The following SRCIN1 variants were observed in gnomAD, a reference collection of about 807,000 sequenced individuals.
SRCIN1 encodes P130Cas-associated protein.
Under a neutral mutation model 116.2 loss-of-function variants are expected in SRCIN1, and 50 were observed. That is an observed-to-expected ratio of 0.43 (90% confidence interval 0.34 to 0.54). The LOEUF (loss-of-function observed/expected upper bound fraction) is 0.54, where lower values mean the gene tolerates loss of function less well. Ranked by LOEUF, SRCIN1 falls within the 20% of genes least tolerant of loss-of-function variation. The pLI, the probability that SRCIN1 is intolerant of heterozygous loss-of-function variation, is 0.02. For missense variants in SRCIN1, 1,446 were observed against 1,672.0 expected (o/e 0.86, Z 2.36); for synonymous variants, 736 against 750.0 (o/e 0.98, Z 0.30).
At position 38,549,119 on chromosome 17, in the gene SRCIN1, G is replaced by C. The variant is rs183788726; in HGVS notation, c.3054C>G (p.Gly1018=). 1.2e-6 allele frequency: 2 copies of C among 1,608,660 alleles called. No homozygotes were observed. The highest frequency in any genetic ancestry group is 1.7e-6 in the Non-Finnish European group (2 of 1,178,340). The change falls in exon 16 of 19, where the codon GGC becomes GGG. Residue 1018 remains glycine, a synonymous_variant. Transcript: ENST00000617146. ...PPRRSFPSSH[G]LTTTRTGEVV... ...CCTCTCCGGTACGTGTGGTGGTCAG[G>C]CCATGGGAGGAGGGGAAGCTCCGGC...
intron 1 of SRCIN1, among the ~76,000 whole-genome samples, chr17:38,591,639 T>C (rs1278988942): frequency 6.6e-6 from 1 of 152,208 alleles, no homozygotes; most frequent in Non-Finnish European, 1.5e-5. Flanking sequence ...AGAACATACC[T>C]TCCTTGCCTC....
intron 1 of SRCIN1, chr17:38,601,026 T>A (rs1746162967): frequency 6.6e-6 from 1 of 152,268 alleles, no homozygotes; most frequent in African/African-American, 2.4e-5. Context: ...CCCTCCCCCT[T>A]CAAGCAGGCA....
At position 38,530,861 on chromosome 17, in the gene SRCIN1, C is replaced by T. The variant is rs558084910; in HGVS notation, c.*2436G>A. The stretch of plus-strand genomic sequence containing the variant: ...GCACCTATGTGCCCACGCCTTCCCC[C>T]ACACATGTGCTCGGCCATGCCTGTG... On this transcript the variant is annotated 3_prime_UTR_variant, in exon 19 of 19. Transcript: ENST00000617146. The T allele has an allele frequency of 1.3e-5, 2 of 152,286 alleles. No individual in the cohort carries two copies. Among genetic ancestry groups the T allele is most frequent in the African/African-American group, 4.8e-5 (2 of 41,456 alleles). 9.4% of individuals were successfully genotyped at this position (152,286 alleles called of 1,614,324 possible).
intron 3 of SRCIN1, among the ~76,000 whole-genome samples, chr17:38,566,902 T>C (rs202114118): frequency 0.054 from 924 of 17,256 alleles, 9 homozygotes; most frequent in African/African-American, 0.1. Flanking sequence ...TCCTTCCTTC[T>C]TTCCTTCCTT....
chr17:38,551,337 G>A lies in SRCIN1; in HGVS notation c.2780C>T (p.Ala927Val). 1 of 1,613,806 alleles carries A rather than the reference G, an allele frequency of 6.2e-7. No individual in the cohort carries two copies. Among genetic ancestry groups the A allele is most frequent in the Non-Finnish European group, 8.5e-7 (1 of 1,179,850 alleles). ...TTCCAGCAGCCGGTTGATGTCCTTGGCACTGTACTGGGTCAGGGCTGCCCG... is the reference window on the plus strand; with the variant it reads ...TTCCAGCAGCCGGTTGATGTCCTTGACACTGTACTGGGTCAGGGCTGCCCG... ...EKRAALTQYS[A>V]KDINRLLEET... The change falls in exon 15 of 19, where the codon GCC becomes GTC. Residue 927 changes from alanine to valine, a missense_variant. Ala to Val is a moderately conservative substitution (Grantham distance 64, BLOSUM62 0). Coordinates refer to ENST00000617146, the MANE Select transcript of SRCIN1 (RefSeq NM_025248.3).
At chr17:38,559,545 G>T in intron 10 of SRCIN1, 40 bp downstream of exon 10, 1 of 1,581,360 alleles carries the variant, frequency 6.3e-7, no homozygotes, top group East Asian at 2.2e-5. Context: ...TCTACCAGTA[G>T]GTGGGCGTTG....
chr17:38,544,982 T>C lies in SRCIN1; in HGVS notation c.3271-1013A>G, dbSNP rs1742147875. 6.6e-6 allele frequency: 1 copy of C among 152,664 alleles called. No homozygotes were observed. The highest frequency in any genetic ancestry group is 1.5e-5 in the Non-Finnish European group (1 of 68,092). The allele number at this position is 152,664 out of a possible 1,614,324, so 9.5% of individuals were successfully genotyped here. A position where few individuals can be genotyped will look rare whatever the true frequency, so the allele number is the denominator to read the frequency against. ...AGCTCCCGGAGCGTCTCCTCCAAGC[T>C]GTCCATCTGCTGGGCAGTGGCGCCC... On this transcript the variant is annotated intron_variant, in intron 17 of 18. Coordinates refer to ENST00000617146, the MANE Select transcript of SRCIN1 (RefSeq NM_025248.3). The surrounding 1 kb of genome is among the most constrained non-coding windows in gnomAD (Gnocchi z 4.5).
At chr17:38,584,949 C>G (rs1162215746) in intron 1 of SRCIN1, among the ~76,000 whole-genome samples, 1 of 152,090 alleles carries the variant, frequency 6.6e-6, no homozygotes, top group Non-Finnish European at 1.5e-5. Context: ...TCTCTGGGGC[C>G]CCTGATGTGA....
chr17:38,555,405 C>T (rs1036146252), intron 11 of SRCIN1, among the ~76,000 whole-genome samples: 12 of 152,198 alleles, frequency 7.9e-5, no homozygotes, highest in African/African-American at 2.9e-4. Flanking sequence ...ACGGCAGAAC[C>T]TCCATCAGCC....
At chr17:38,559,497 G>A (rs1906055283) in intron 10 of SRCIN1, 88 bp downstream of exon 10, 2 of 1,379,522 alleles carry the variant, frequency 1.4e-6, no homozygotes, top group Admixed American at 3.9e-5. Flanking sequence ...AAAAGGATGA[G>A]GTAGTAGGGG....
chr17:38,564,169 G>C lies in SRCIN1; in HGVS notation c.490C>G (p.Gln164Glu). The C allele has an allele frequency of 6.3e-7, 1 of 1,596,240 alleles. No individual in the cohort carries two copies. The highest frequency in any genetic ancestry group is 8.5e-7 in the Non-Finnish European group (1 of 1,172,366). ...LGFSRMNRFR[Q>E]SLPLSRSASQ... ...GCCGAGCGGGAGAGAGGCAGGCTCT[G>C]TCGGAAGCGGTTCATCCTGCTGAAG... The change falls in exon 4 of 19, where the codon CAG becomes GAG. Residue 164 changes from glutamine (Q) to glutamate (E), a missense_variant. This residue lies in a region of SRCIN1 where 246 missense variants were observed against 265.1 expected (regional missense o/e 0.93). Coordinates refer to ENST00000617146, the MANE Select transcript of SRCIN1 (RefSeq NM_025248.3).
intron 11 of SRCIN1, among the ~76,000 whole-genome samples, chr17:38,555,782 C>A (rs1016428676): frequency 3.9e-5 from 6 of 152,214 alleles, no homozygotes; most frequent in Non-Finnish European, 7.3e-5. Flanking sequence ...CCTCGCTCTA[C>A]CACATGGGAA....
Position 38,562,476 on chromosome 17 carries a change from T to C in SRCIN1, c.835-148A>G. 1 of 1,048,644 alleles carries C rather than the reference T, an allele frequency of 9.5e-7. No individual in the cohort carries two copies. Among genetic ancestry groups the C allele is most frequent in the Non-Finnish European group, 1.3e-6 (1 of 768,844 alleles). The allele number at this position is 1,048,644 out of a possible 1,614,324, so 65.0% of individuals were successfully genotyped here. A position where few individuals can be genotyped will look rare whatever the true frequency, so the allele number is the denominator to read the frequency against. On this transcript the variant is annotated intron_variant, in intron 6 of 18. Coordinates refer to ENST00000617146, the MANE Select transcript of SRCIN1 (RefSeq NM_025248.3). This position sits in a 1 kb window ranked among gnomAD's most constrained non-coding sequence, Gnocchi z 4.2. ...TCCATCCTGCTGCGTCTAGGGTCCCTTTCCCATCAGGGTTCCTAGCATGGA... is the reference window on the plus strand; with the variant it reads ...TCCATCCTGCTGCGTCTAGGGTCCCCTTCCCATCAGGGTTCCTAGCATGGA...
At chr17:38,557,220 G>C (rs972515878) in intron 11 of SRCIN1, among the ~76,000 whole-genome samples, 8 of 152,248 alleles carry the variant, frequency 5.3e-5, no homozygotes, top group Admixed American at 5.2e-4. Context: ...GGAGCCCGTC[G>C]CAAGAGGCTC....
At chr17:38,566,520 C>A (rs906340317) in intron 3 of SRCIN1, among the ~76,000 whole-genome samples, 2 of 152,162 alleles carry the variant, frequency 1.3e-5, no homozygotes, top group African/African-American at 4.8e-5. Context: ...AGAGGGACCA[C>A]CATGGGAGGT....
chr17:38,551,476 G>A (rs1905405442), intron 14 of SRCIN1, 87 bp from the exon 15 acceptor site: 6 of 1,159,174 alleles, frequency 5.2e-6, no homozygotes, highest in African/African-American at 1.5e-5. Flanking sequence ...AAGCCACGTA[G>A]GCAAGGAATA....
chr17:38,596,624 A>G (rs1368238734), intron 1 of SRCIN1, among the ~76,000 whole-genome samples: 3 of 152,022 alleles, frequency 2.0e-5, no homozygotes, highest in Non-Finnish European at 4.4e-5. Flanking sequence ...TCAGGGTCAG[A>G]GAGGCTTGCC....
intron 15 of SRCIN1, 96 bp downstream of exon 15, chr17:38,551,059 G>A (rs547062222): frequency 3.0e-5 from 18 of 600,390 alleles, no homozygotes; most frequent in Non-Finnish European, 4.9e-5. Context: ...CAACCACAAT[G>A]ATCTTGAGAT....
chr17:38,552,991 A>C lies in SRCIN1; in HGVS notation c.2202-136T>G. ...AGCAGGAGGCTGGGCACCGTGGCTC[A>C]CGCCCGTAATCTCAGTACTTTGGGA... is the stretch of plus-strand genomic sequence containing the variant. On this transcript the variant is annotated intron_variant, in intron 11 of 18. Coordinates refer to ENST00000617146, the MANE Select transcript of SRCIN1 (RefSeq NM_025248.3). The surrounding 1 kb of genome is among the most constrained non-coding windows in gnomAD (Gnocchi z 5.3). The C allele has an allele frequency of 7.2e-7, 1 of 1,383,940 alleles. No individual in the cohort carries two copies. Among genetic ancestry groups the C allele is most frequent in the South Asian group, 1.4e-5 (1 of 70,634 alleles). 85.7% of individuals were successfully genotyped at this position (1,383,940 alleles called of 1,614,324 possible). A position where few individuals can be genotyped will look rare whatever the true frequency, so the allele number is the denominator to read the frequency against.
Sources: allele counts gnomAD v4.1 joint callset (sites outside exome capture counted in the v4.1 genomes callset), GRCh38; gene constraint gnomAD v4.1.1; regional missense constraint gnomAD v4.1.1; non-coding constraint Gnocchi (gnomAD v3.1); transcripts MANE v1.5; gene names NCBI Gene and HGNC (gene_info 2026-07-23, HGNC 2026-07-21).